Variants in ITPR3 observed in about 807,000 individuals in gnomAD.
The protein encoded by ITPR3 is inositol 1,4,5-trisphosphate receptor type 3.
Under a neutral mutation model 293.2 loss-of-function variants are expected in ITPR3, and 173 were observed. That is an observed-to-expected ratio of 0.59 (90% CI 0.52 to 0.67). The LOEUF (loss-of-function observed/expected upper bound fraction) is 0.67, where lower values mean the gene tolerates loss of function less well. Among genes scored for constraint, ITPR3 ranks in the 30% least tolerant of loss-of-function variants. The pLI is 0.00. For synonymous variants in ITPR3, 1,295 were observed against 1,444.4 expected (o/e 0.90, Z 2.35); for missense variants, 2,796 against 3,592.1 (o/e 0.78, Z 5.66).
chr6:33,683,967 C>G lies in ITPR3; in HGVS notation c.4789-53C>G, dbSNP rs755570073. ...GCGTTTGGGTCGGAGGAATGGCAGT[C>G]ACACCCGGGTCATTTCTTGGGCCTG... is the stretch of plus-strand genomic sequence containing the variant. On this transcript the variant is annotated intron_variant, in intron 35 of 57. Transcript: ENST00000605930. This position sits in a 1 kb window ranked among gnomAD's most constrained non-coding sequence, Gnocchi z 4.5. The G allele has an allele frequency of 2.6e-5, 40 of 1,542,940 alleles. No individual in the cohort carries two copies. Among genetic ancestry groups the G allele is most frequent in the Non-Finnish European group, 3.3e-5 (38 of 1,144,978 alleles).
In ITPR3 at chr6:33,675,880, C is replaced by G. The variant is rs985546364; in HGVS notation, c.3282+24C>G. On this transcript the variant is annotated intron_variant, in intron 25 of 57. Transcript: ENST00000605930. This position sits in a 1 kb window ranked among gnomAD's most constrained non-coding sequence, Gnocchi z 5.0. ...AGGTGACGGGACTACCTGGCCCTGG[C>G]CCTGAGCATGAGGCCTGCACCAGGC... 30 of 1,540,730 alleles carry G rather than the reference C, an allele frequency of 1.9e-5. No individual in the cohort carries two copies. The highest frequency in any genetic ancestry group is 2.4e-5 in the Non-Finnish European group (27 of 1,141,202).
intron 2 of ITPR3, among the ~76,000 whole-genome samples, chr6:33,643,239 G>C (rs970890010): frequency 1.3e-5 from 2 of 152,152 alleles, no homozygotes; most frequent in Admixed American, 1.3e-4. Flanking sequence ...CACCATCTTG[G>C]GGTGAGCCTG....
chr6:33,682,755 TC>T lies in ITPR3; in HGVS notation c.4597+114del. On this transcript the variant is annotated intron_variant, in intron 34 of 57. Coordinates refer to ENST00000605930, the MANE Select transcript of ITPR3 (RefSeq NM_002224.4). This position sits in a 1 kb window ranked among gnomAD's most constrained non-coding sequence, Gnocchi z 5.4. ...ATCCCTAAGCTCGCCCATCTCCTGC[TC>T]CCAGGTGGTTGTCAGTAAGTTCTTC... is the stretch of plus-strand genomic sequence containing the variant. The T allele has an allele frequency of 1.5e-6, 2 of 1,365,298 alleles. No homozygotes were observed. The highest frequency in any genetic ancestry group is 1.9e-6 in the Non-Finnish European group (2 of 1,037,148). 84.6% of individuals were successfully genotyped at this position (1,365,298 alleles called of 1,614,324 possible). A position where few individuals can be genotyped will look rare whatever the true frequency, so the allele number is the denominator to read the frequency against.
At chr6:33,653,842 G>A (rs907893342) in intron 2 of ITPR3, among the ~76,000 whole-genome samples, 2 of 152,140 alleles carry the variant, frequency 1.3e-5, no homozygotes, top group African/African-American at 2.4e-5. Flanking sequence ...CCACCACTCT[G>A]TTGGGAATTG....
At chr6:33,637,253 C>A (rs919190003) in intron 1 of ITPR3, among the ~76,000 whole-genome samples, 1 of 152,136 alleles carries the variant, frequency 6.6e-6, no homozygotes, top group Admixed American at 6.5e-5. Context: ...GCTTCTGGTG[C>A]TTCTGACCAA....
chr6:33,673,537 G>C, intron 22 of ITPR3, 54 bp from the exon 23 acceptor site: 1 of 1,599,538 alleles, frequency 6.3e-7, no homozygotes, highest in Non-Finnish European at 8.5e-7. Flanking sequence ...AGGGCCTTCT[G>C]ACCTCAGATC....
Position 33,659,053 on chromosome 6 carries a change from T to G in ITPR3, c.561T>G (p.Pro187=), listed in dbSNP as rs1389524990. The change falls in exon 6 of 58, where the codon CCT becomes CCG. Residue 187 remains proline, a synonymous_variant. Transcript: ENST00000605930. ...VVVGDKVILN[P]VNAGQPLHAS... is the part of the protein sequence containing the mutation. ...TGGGGGACAAGGTGATCCTGAATCCTGTCAATGCCGGGCAGCCTCTGCATG... is the reference window on the plus strand; with the variant it reads ...TGGGGGACAAGGTGATCCTGAATCCGGTCAATGCCGGGCAGCCTCTGCATG... 6.2e-7 allele frequency: 1 copy of G among 1,613,874 alleles called. No homozygotes were observed.
intron 57 of ITPR3, chr6:33,695,454 T>C: frequency 3.5e-6 from 2 of 574,010 alleles, no homozygotes; most frequent in South Asian, 2.2e-5. Flanking sequence ...AGTGCCTGCA[T>C]GAAGATGAGG....
rs1009485277 is a variant in ITPR3, at chr6:33,672,490, G to A, written c.2928+262G>A. ...TCCCAGTGCTTTGGGAGGCCAAGGTGGGAGGACTGCTTGAGCTCAGAGTTC... is the reference window on the plus strand; with the variant it reads ...TCCCAGTGCTTTGGGAGGCCAAGGTAGGAGGACTGCTTGAGCTCAGAGTTC... On this transcript the variant is annotated intron_variant, in intron 22 of 57. Coordinates refer to ENST00000605930, the MANE Select transcript of ITPR3 (RefSeq NM_002224.4). The surrounding 1 kb of genome is among the most constrained non-coding windows in gnomAD (Gnocchi z 5.0). Among the ~76,000 whole-genome samples the A allele has an allele frequency of 9.9e-5, 15 of 152,134 alleles. No homozygotes were observed. The highest frequency in any genetic ancestry group is 3.6e-4 in the African/African-American group (15 of 41,408).
intron 57 of ITPR3, 86 bp downstream of exon 57, chr6:33,695,171 C>T: frequency 5.5e-6 from 8 of 1,445,780 alleles, no homozygotes; most frequent in Non-Finnish European, 6.6e-6. Flanking sequence ...GACCCACCCT[C>T]TTCCCCACTG....
In ITPR3 at chr6:33,670,484, CG is replaced by C. The variant is rs1287571332; in HGVS notation, c.2350del (p.Val784CysfsTer61). ...CCTCCTTCTGCCACCTGATGCTGCA[CG>C]TGCACGTGGACCGTGACCCCCAGGA... is the stretch of plus-strand genomic sequence containing the variant. ...RASFCHLMLH[V>X]HVDRDPQELV... On this transcript the variant is annotated frameshift_variant, in exon 19 of 58. Coordinates refer to ENST00000605930, the MANE Select transcript of ITPR3 (RefSeq NM_002224.4). LOFTEE classifies it high-confidence loss of function. This position sits in a 1 kb window ranked among gnomAD's most constrained non-coding sequence, Gnocchi z 6.7. 14 of 1,613,900 alleles carry C rather than the reference CG, an allele frequency of 8.7e-6. No individual in the cohort carries two copies. The highest frequency in any genetic ancestry group is 1.2e-5 in the Non-Finnish European group (14 of 1,180,008).
rs555261219 is a variant in ITPR3, at chr6:33,623,110, C to A, written c.89+1419C>A. On this transcript the variant is annotated intron_variant, in intron 1 of 57. Coordinates refer to ENST00000605930, the MANE Select transcript of ITPR3 (RefSeq NM_002224.4). ...GACTAGGCCCTGGCTGCCCTGAGGC[C>A]AGGGCTGCCCACAGTAGGTACAGAG... 2.6e-5 allele frequency among the ~76,000 whole-genome samples: 4 copies of A among 152,194 alleles called. No individual in the cohort carries two copies. The East Asian group carries it at 7.7e-4, about 29-fold the overall frequency.
chr6:33,680,820 C>CTTTTT (rs747753235), intron 33 of ITPR3, 140 bp downstream of exon 33: 4 of 570,302 alleles, frequency 7.0e-6, no homozygotes, highest in Admixed American at 4.5e-5. Flanking sequence ...TATTGGTTAT[C>CTTTTT]TTTTTTTTTT....
In ITPR3 at chr6:33,664,613, T is replaced by C. The variant is rs922835723; in HGVS notation, c.1149-257T>C. Among the ~76,000 whole-genome samples the C allele has an allele frequency of 1.3e-5, 2 of 152,200 alleles. No individual in the cohort carries two copies. Among genetic ancestry groups the C allele is most frequent in the African/African-American group, 4.8e-5 (2 of 41,444 alleles). On this transcript the variant is annotated intron_variant, in intron 11 of 57. Transcript: ENST00000605930. This position sits in a 1 kb window ranked among gnomAD's most constrained non-coding sequence, Gnocchi z 4.4. ...TGGTCCCAAGTGTACAAACAAGCTT[T>C]GGTTTTGGAAGCGTGGACAAGGCTG...
At position 33,684,789 on chromosome 6, in the gene ITPR3, G is replaced by C. The variant is rs200708715; in HGVS notation, c.5153G>C (p.Trp1718Ser). The change falls in exon 39 of 58, where the codon TGG becomes TCG. Residue 1718 changes from tryptophan to serine, a missense_variant. Trp to Ser is a radical substitution (Grantham distance 177). Around this residue, in one of 8 missense-constraint regions of ITPR3, gnomAD observed 704 missense variants for 797.5 expected, o/e 0.88. Coordinates refer to ENST00000605930, the MANE Select transcript of ITPR3 (RefSeq NM_002224.4). This position sits in a 1 kb window ranked among gnomAD's most constrained non-coding sequence, Gnocchi z 4.2. ...CCGCCTCCAGGCCTGGACCCAGACT[G>C]GTCGGCAATCGCAGCCACCCAGTGC... ...DPIGTGLDPDWSAIAATQCRL... is the reference protein window; with the variant it reads ...DPIGTGLDPDSSAIAATQCRL... The C allele has an allele frequency of 1.2e-4, 189 of 1,612,260 alleles. 1 individual carries two copies. Among genetic ancestry groups the C allele is most frequent in the Non-Finnish European group, 2.2e-5 (26 of 1,178,840 alleles).
Position 33,685,518 on chromosome 6 carries a change from G to C in ITPR3, c.5467G>C (p.Asp1823His). Residue 1823 changes from aspartate (D) to histidine (H), a missense_variant, in exon 40 of 58, where the codon GAC becomes CAC. Physicochemically the swap from Asp to His is moderately conservative, Grantham distance 81 (BLOSUM62 -1). Coordinates refer to ENST00000605930, the MANE Select transcript of ITPR3 (RefSeq NM_002224.4). ...GCCACATGAGGACCGCGAGCCAGTC[G>C]ACCCCACCACCAAAGGTCAGGGGTC... Reference protein sequence around the residue: ...SQPHEDREPVDPTTKGRVASF... With the variant: ...SQPHEDREPVHPTTKGRVASF... 6.2e-7 allele frequency: 1 copy of C among 1,613,408 alleles called. No homozygotes were observed. Among genetic ancestry groups the C allele is most frequent in the Non-Finnish European group, 8.5e-7 (1 of 1,179,626 alleles).
chr6:33,649,982 T>C (rs567051170), intron 2 of ITPR3, among the ~76,000 whole-genome samples: 1 of 152,324 alleles, frequency 6.6e-6, no homozygotes, highest in Non-Finnish European at 1.5e-5. Flanking sequence ...AATAAATGAA[T>C]AGCCTCTTGC....
rs1464215540 is a variant in ITPR3 at position 33,680,471 on chromosome 6, G to T, written c.4350+17G>T. 1.2e-6 allele frequency: 2 copies of T among 1,612,170 alleles called. No homozygotes were observed. Among genetic ancestry groups the T allele is most frequent in the Non-Finnish European group, 1.7e-6 (2 of 1,179,518 alleles). ...ATGGCCCGGGTCTGTCCCTGTGAGG[G>T]GTGTGGGTGAAGCCCCCCAGGAGGT... On this transcript the variant is annotated intron_variant, in intron 32 of 57. Transcript: ENST00000605930.
intron 30 of ITPR3, 114 bp downstream of exon 30, chr6:33,678,953 C>A: frequency 9.4e-7 from 1 of 1,064,416 alleles, no homozygotes; most frequent in Non-Finnish European, 1.4e-6. Context: ...AAAAGGAACA[C>A]TCAGCTGCTG....
Sources: allele counts gnomAD v4.1 joint callset (sites outside exome capture counted in the v4.1 genomes callset), GRCh38; gene constraint gnomAD v4.1.1; regional missense constraint gnomAD v4.1.1; non-coding constraint Gnocchi (gnomAD v3.1); transcripts MANE v1.5; gene names NCBI Gene and HGNC (gene_info 2026-07-23, HGNC 2026-07-21).